Variants in SLC35D4 observed in about 807,000 individuals in gnomAD.
SLC35D4 encodes UDP-N-acetylglucosamine transporter SLC35D4.
At chr18:23,388,996 T>TC in the SLC35D4 span, among the ~76,000 whole-genome samples, 1 of 149,648 alleles carries the variant, frequency 6.7e-6, no homozygotes, top group African/African-American at 2.5e-5. Flanking sequence ...TCTTTTTTTT[T>TC]TTTTTTTTTT....
chr18:23,312,853 C>T, the SLC35D4 span, among the ~76,000 whole-genome samples: 1 of 152,042 alleles, frequency 6.6e-6, no homozygotes, highest in Non-Finnish European at 1.5e-5. Context: ...GCCAACCGGG[C>T]GCGGTGGCTC....
chr18:23,280,246 C>T, the SLC35D4 span, among the ~76,000 whole-genome samples: 9 of 152,244 alleles, frequency 5.9e-5, no homozygotes, highest in Non-Finnish European at 1.2e-4. Context: ...GGACCAAGCC[C>T]AGCACAAGCA....
At chr18:23,263,052 C>T in the SLC35D4 span, among the ~76,000 whole-genome samples, 2 of 152,228 alleles carry the variant, frequency 1.3e-5, no homozygotes, top group Non-Finnish European at 2.9e-5. Flanking sequence ...ACTTAATGCA[C>T]CTGTCCTCAT....
chr18:23,257,121 T>C, the SLC35D4 span: 3 of 1,302,574 alleles, frequency 2.3e-6, no homozygotes, highest in South Asian at 3.9e-5. Flanking sequence ...CCAAAGTGGA[T>C]TTCTCCTGAG....
chr18:23,256,414 A>C, the SLC35D4 span, among the ~76,000 whole-genome samples: 1 of 152,240 alleles, frequency 6.6e-6, no homozygotes, highest in Non-Finnish European at 1.5e-5. Context: ...ACTGAACTAC[A>C]TAGAATCAGT....
chr18:23,413,750 C>G, the SLC35D4 span, among the ~76,000 whole-genome samples: 4 of 151,662 alleles, frequency 2.6e-5, no homozygotes, highest in East Asian at 1.9e-4. Flanking sequence ...CACGGTGAAA[C>G]CCTGTCTCTA....
At chr18:23,429,434 C>G in the SLC35D4 span, among the ~76,000 whole-genome samples, 9 of 152,194 alleles carry the variant, frequency 5.9e-5, no homozygotes, top group South Asian at 1.9e-3. Flanking sequence ...TCAGCTCACT[C>G]CAACCTCCAG....
At chr18:23,404,459 G>T in the SLC35D4 span, among the ~76,000 whole-genome samples, 1 of 151,808 alleles carries the variant, frequency 6.6e-6, no homozygotes, top group Non-Finnish European at 1.5e-5. Context: ...CGGATCATGA[G>T]GTCAGGAGAT....
At chr18:23,323,859 A>AC in the SLC35D4 span, among the ~76,000 whole-genome samples, 7 of 152,060 alleles carry the variant, frequency 4.6e-5, no homozygotes, top group African/African-American at 1.7e-4. Flanking sequence ...CGGGTGGATC[A>AC]CCTGAGGTCA....
the SLC35D4 span, among the ~76,000 whole-genome samples, chr18:23,256,451 G>C: frequency 4.6e-5 from 7 of 152,168 alleles, no homozygotes; most frequent in African/African-American, 1.4e-4. Flanking sequence ...TTACCACGTG[G>C]TTTTTATTGT....
chr18:23,429,636 A>C, the SLC35D4 span, among the ~76,000 whole-genome samples: 1 of 152,186 alleles, frequency 6.6e-6, no homozygotes, highest in African/African-American at 2.4e-5. Context: ...TTGGCCTCCC[A>C]AAGTGGTGGG....
chr18:23,352,337 G>A, the SLC35D4 span: 165 of 1,486,042 alleles, frequency 1.1e-4, no homozygotes, highest in Non-Finnish European at 1.5e-4. Flanking sequence ...TCTTCCCTTA[G>A]CCAATGGCTG....
the SLC35D4 span, among the ~76,000 whole-genome samples, chr18:23,303,282 G>A: frequency 3.3e-5 from 5 of 152,334 alleles, no homozygotes; most frequent in East Asian, 9.6e-4. Flanking sequence ...AACCTCAGGA[G>A]TCCTCAAAAA....
At chr18:23,393,853 A>T in the SLC35D4 span, among the ~76,000 whole-genome samples, 2 of 152,164 alleles carry the variant, frequency 1.3e-5, no homozygotes, top group African/African-American at 4.8e-5. Flanking sequence ...TCCTGACCTC[A>T]GGTGATCCAC....
At chr18:23,327,288 C>A in the SLC35D4 span, among the ~76,000 whole-genome samples, 1 of 151,862 alleles carries the variant, frequency 6.6e-6, no homozygotes, top group Non-Finnish European at 1.5e-5. Flanking sequence ...ATCAACAAAA[C>A]TGATAGACCA....
At chr18:23,274,479 C>T in the SLC35D4 span, among the ~76,000 whole-genome samples, 3 of 152,206 alleles carry the variant, frequency 2.0e-5, no homozygotes, top group Non-Finnish European at 4.4e-5. Flanking sequence ...TGCCTGGTGC[C>T]CCACAGTGGG....
the SLC35D4 span, among the ~76,000 whole-genome samples, chr18:23,411,724 T>G: frequency 1.5e-4 from 23 of 152,172 alleles, no homozygotes; most frequent in African/African-American, 5.3e-4. Context: ...GGGCCTGTTT[T>G]TTGTTTCCAT....
the SLC35D4 span, among the ~76,000 whole-genome samples, chr18:23,419,014 C>CA: frequency 6.7e-6 from 1 of 148,386 alleles, no homozygotes; most frequent in Non-Finnish European, 1.5e-5. Flanking sequence ...TCTCAAAAAC[C>CA]AAAAAAAAGA....
chr18:23,363,843 A>T, the SLC35D4 span, among the ~76,000 whole-genome samples: 6 of 152,108 alleles, frequency 3.9e-5, no homozygotes, highest in Admixed American at 3.3e-4. Flanking sequence ...GCTTCACAGG[A>T]CTTATTATTC....
Sources: allele counts gnomAD v4.1 joint callset (sites outside exome capture counted in the v4.1 genomes callset), GRCh38; gene constraint gnomAD v4.1.1; transcripts MANE v1.5; gene names NCBI Gene and HGNC (gene_info 2026-07-23, HGNC 2026-07-21).